The following LHFPL1 variants were observed in gnomAD, a reference collection of about 807,000 sequenced individuals.
LHFPL1 encodes the protein LHFPL tetraspan subfamily member 1.
A neutral mutation model predicts 12.1 loss-of-function variants in LHFPL1; 4 were observed. The ratio of observed to expected loss-of-function variants is 0.33; its 90% CI spans 0.16 to 0.76. The LOEUF is 0.76. Ranked by LOEUF, LHFPL1 falls within the 30% of genes least tolerant of loss-of-function variation. The pLI, the probability that LHFPL1 is intolerant of heterozygous loss-of-function variation, is 0.61. For synonymous variants in LHFPL1, 52 were observed against 61.9 expected (o/e 0.84, Z 0.75); for missense variants, 141 against 174.1 (o/e 0.81, Z 1.07).
intron 2 of LHFPL1, among the ~76,000 whole-genome samples, chrX:112,661,064 C>T (rs911318125): frequency 8.9e-6 from 1 of 111,908 alleles, no homozygotes; most frequent in African/African-American, 3.3e-5. Context: ...GTCTGATACA[C>T]AGAGAATAAC....
At chrX:112,661,845 A>C (rs1046199757) in intron 2 of LHFPL1, 15 of 112,416 alleles carry the variant, frequency 1.3e-4, no homozygotes, top group African/African-American at 4.9e-4. Context: ...CAACCCCACA[A>C]CACCAGAAGG....
chrX:112,644,539 G>A (rs1331054617), intron 3 of LHFPL1, among the ~76,000 whole-genome samples: 8 of 110,495 alleles, frequency 7.2e-5, no homozygotes, highest in Non-Finnish European at 1.3e-4. Context: ...ATAGGTAGAC[G>A]TGAAATTAGA....
chrX:112,669,923 T>C (rs753812088), intron 2 of LHFPL1, among the ~76,000 whole-genome samples: 1 of 111,726 alleles, frequency 9.0e-6, no homozygotes, highest in East Asian at 2.8e-4. Context: ...ATGAATGCAG[T>C]CATTGGACAG....
At chrX:112,641,815 T>A in intron 3 of LHFPL1, among the ~76,000 whole-genome samples, 1 of 112,199 alleles carries the variant, frequency 8.9e-6, no homozygotes, top group East Asian at 2.8e-4. Context: ...CAGATGATTC[T>A]GATACACATT....
At chrX:112,657,909 C>CAAAAAAAAAAA (rs57793060) in intron 3 of LHFPL1, among the ~76,000 whole-genome samples, 24 of 61,293 alleles carry the variant, frequency 3.9e-4, no homozygotes, top group African/African-American at 1.0e-3. Flanking sequence ...AAAACAGAAG[C>CAAAAAAAAAAA]AAAAAAAAAA....
At chrX:112,672,176 G>T (rs1931527629) in intron 1 of LHFPL1, among the ~76,000 whole-genome samples, 1 of 111,923 alleles carries the variant, frequency 8.9e-6, no homozygotes, top group African/African-American at 3.2e-5. Flanking sequence ...CTCTGGAATG[G>T]CTATTAAGAA....
intron 1 of LHFPL1, among the ~76,000 whole-genome samples, chrX:112,676,791 A>G (rs1361184664): frequency 1.8e-5 from 2 of 112,194 alleles, no homozygotes; most frequent in African/African-American, 3.2e-5. Context: ...TCTCACCGTC[A>G]ATAAATAATT....
At chrX:112,633,966 A>T (rs1275359948) in intron 3 of LHFPL1, among the ~76,000 whole-genome samples, 1 of 111,715 alleles carries the variant, frequency 9.0e-6, no homozygotes, top group African/African-American at 3.3e-5. Flanking sequence ...GGACACACAC[A>T]CACAAACACA....
intron 2 of LHFPL1, among the ~76,000 whole-genome samples, chrX:112,666,140 A>G (rs1057087357): frequency 1.8e-5 from 2 of 111,708 alleles, no homozygotes; most frequent in South Asian, 7.6e-4. Context: ...TTCCAAACAT[A>G]ATTATTGGGT....
At chrX:112,652,176 C>T (rs984810654) in intron 3 of LHFPL1, among the ~76,000 whole-genome samples, 2 of 112,363 alleles carry the variant, frequency 1.8e-5, no homozygotes, top group East Asian at 2.8e-4. Context: ...AAGTCAGATG[C>T]CCCTCTAGAA....
intron 1 of LHFPL1, among the ~76,000 whole-genome samples, chrX:112,673,536 C>T (rs763543778): frequency 8.9e-6 from 1 of 111,754 alleles, no homozygotes; most frequent in South Asian, 3.8e-4. Context: ...CAGCCCAGGC[C>T]AGAGGAGGAG....
At chrX:112,635,098 C>T (rs1263888811) in intron 3 of LHFPL1, among the ~76,000 whole-genome samples, 2 of 112,129 alleles carry the variant, frequency 1.8e-5, no homozygotes, top group Non-Finnish European at 3.8e-5. Context: ...TGGAAGGGTG[C>T]AAAAGTAGGG....
At chrX:112,659,586 C>G (rs1931115853) in intron 3 of LHFPL1, among the ~76,000 whole-genome samples, 1 of 111,888 alleles carries the variant, frequency 8.9e-6, no homozygotes, top group African/African-American at 3.3e-5. Flanking sequence ...ATCAACGAAA[C>G]TGTCATTTTC....
chrX:112,654,550 A>C (rs186891474), intron 3 of LHFPL1, among the ~76,000 whole-genome samples: 1,377 of 110,206 alleles, frequency 0.012, 35 homozygotes, highest in African/African-American at 0.043. Context: ...ATTGGAAAAA[A>C]TATTTTATAT....
chrX:112,656,783 G>A (rs1931017148), intron 3 of LHFPL1, among the ~76,000 whole-genome samples: 1 of 112,361 alleles, frequency 8.9e-6, no homozygotes, highest in Non-Finnish European at 1.9e-5. Context: ...AGTCAAAAAT[G>A]TATTTAATAT....
intron 3 of LHFPL1, among the ~76,000 whole-genome samples, chrX:112,652,543 A>C (rs1335484350): frequency 8.9e-6 from 1 of 112,238 alleles, no homozygotes; most frequent in Non-Finnish European, 1.9e-5. Context: ...TACAAAAGAC[A>C]CCAAAAAGAT....
At chrX:112,657,044 C>T (rs1221039435) in intron 3 of LHFPL1, among the ~76,000 whole-genome samples, 1 of 112,330 alleles carries the variant, frequency 8.9e-6, no homozygotes, top group Non-Finnish European at 1.9e-5. Flanking sequence ...AAATGTGTAT[C>T]ATTTTTGCAC....
chrX:112,663,619 G>A (rs756794582), intron 2 of LHFPL1, among the ~76,000 whole-genome samples: 60 of 112,021 alleles, frequency 5.4e-4, no homozygotes, highest in African/African-American at 1.8e-3. Context: ...TTTACCCAAG[G>A]TCACATAGCT....
At chrX:112,666,162 A>G (rs1394757716) in intron 2 of LHFPL1, among the ~76,000 whole-genome samples, 1 of 112,026 alleles carries the variant, frequency 8.9e-6, no homozygotes, top group East Asian at 2.8e-4. Flanking sequence ...GCTTGGATTT[A>G]CTGCCCTGAG....
Sources: allele counts gnomAD v4.1 joint callset (sites outside exome capture counted in the v4.1 genomes callset), GRCh38; gene constraint gnomAD v4.1.1; transcripts MANE v1.5; gene names NCBI Gene and HGNC (gene_info 2026-07-23, HGNC 2026-07-21).